FHOD3: variants seen among roughly 807,000 people sequenced by gnomAD.
The protein encoded by FHOD3 is formin homology 2 domain containing 3.
A neutral mutation model predicts 173.0 loss-of-function variants in FHOD3; 90 were observed. That is an observed-to-expected ratio of 0.52 (90% CI 0.44 to 0.62). The LOEUF is 0.62. FHOD3 is among the 20% of genes least tolerant of loss of function. FHOD3 has a pLI of 0.00. For synonymous variants in FHOD3, 828 were observed against 823.0 expected (o/e 1.01, Z -0.10); for missense variants, 1,945 against 2,034.7 (o/e 0.96, Z 0.85).
chr18:36,336,369 T>A (rs1002271665), intron 1 of FHOD3, among the ~76,000 whole-genome samples: 1 of 152,194 alleles, frequency 6.6e-6, no homozygotes, highest in Non-Finnish European at 1.5e-5. Context: ...AAAGCCATCA[T>A]TATAGTATGC....
At chr18:36,578,929 C>A (rs1043854308) in intron 6 of FHOD3, among the ~76,000 whole-genome samples, 3 of 152,028 alleles carry the variant, frequency 2.0e-5, no homozygotes, top group Non-Finnish European at 4.4e-5. Context: ...TATGCTTTCC[C>A]TCAGAAGATT....
At chr18:36,516,196 T>C (rs1168750030) in intron 5 of FHOD3, among the ~76,000 whole-genome samples, 1 of 152,132 alleles carries the variant, frequency 6.6e-6, no homozygotes, top group Non-Finnish European at 1.5e-5. Context: ...CCTCTTTATT[T>C]GTCCACCCAT....
At chr18:36,629,783 G>T (rs181207919) in intron 10 of FHOD3, among the ~76,000 whole-genome samples, 1 of 152,216 alleles carries the variant, frequency 6.6e-6, no homozygotes, top group Non-Finnish European at 1.5e-5. Context: ...GGGACTATGT[G>T]ATGAGTCCAG....
intron 3 of FHOD3, among the ~76,000 whole-genome samples, chr18:36,478,510 C>A (rs751960067): frequency 2.2e-4 from 6 of 27,432 alleles, no homozygotes; most frequent in Non-Finnish European, 4.3e-4. Context: ...CTTACTCATT[C>A]TTTCTATTTT....
chr18:36,588,465 A>G (rs12967509), intron 6 of FHOD3, among the ~76,000 whole-genome samples: 43,461 of 152,150 alleles, frequency 0.29, 6,743 homozygotes, highest in Admixed American at 0.37. Context: ...ATCCATTTAT[A>G]TAACATATAT....
chr18:36,413,122 G>T (rs1447200727), intron 3 of FHOD3, among the ~76,000 whole-genome samples: 1 of 152,220 alleles, frequency 6.6e-6, no homozygotes, highest in Non-Finnish European at 1.5e-5. Flanking sequence ...TCAGAAATTT[G>T]TCAGAAAGGT....
chr18:36,515,209 C>G (rs1002649718), intron 5 of FHOD3, among the ~76,000 whole-genome samples: 1 of 151,992 alleles, frequency 6.6e-6, no homozygotes, highest in Non-Finnish European at 1.5e-5. Flanking sequence ...AGCTTACAGC[C>G]GTTTATTTTA....
At chr18:36,589,199 C>T (rs929040770) in intron 6 of FHOD3, among the ~76,000 whole-genome samples, 1 of 152,186 alleles carries the variant, frequency 6.6e-6, no homozygotes, top group African/African-American at 2.4e-5. Flanking sequence ...TTGCACCCCC[C>T]GTATGCAAGG....
intron 1 of FHOD3, among the ~76,000 whole-genome samples, chr18:36,337,336 C>G (rs752833841): frequency 3.9e-5 from 6 of 152,186 alleles, no homozygotes; most frequent in Non-Finnish European, 7.3e-5. Context: ...CACACCAGAC[C>G]TGGTCACAGT....
chr18:36,556,650 T>C (rs943637756), intron 5 of FHOD3, among the ~76,000 whole-genome samples: 1 of 152,222 alleles, frequency 6.6e-6, no homozygotes, highest in Non-Finnish European at 1.5e-5. Context: ...TTGCAAGTGT[T>C]AAAAACCCCA....
chr18:36,312,244 C>G (rs941501818), intron 1 of FHOD3, among the ~76,000 whole-genome samples: 2 of 152,186 alleles, frequency 1.3e-5, no homozygotes, highest in African/African-American at 4.8e-5. Flanking sequence ...CCTGCCCTCT[C>G]TAGTCCTTCT....
Position 36,745,787 on chromosome 18 carries a change from C to G in FHOD3, c.4042-1158C>G, listed in dbSNP as rs539190386. On this transcript the variant is annotated intron_variant, in intron 23 of 28. Transcript: ENST00000590592. The stretch of plus-strand genomic sequence containing the variant: ...CTCCATGCACCTGCCACTCATCCCC[C>G]CACCTGCACCCTCCGCTCACTTCCT... Among the ~76,000 whole-genome samples, 332 of 148,874 alleles carry G rather than the reference C, an allele frequency of 2.2e-3. 2 individuals carry two copies. The highest frequency in any genetic ancestry group is 7.9e-3 in the African/African-American group (320 of 40,390).
intron 5 of FHOD3, among the ~76,000 whole-genome samples, chr18:36,566,525 G>C (rs990494222): frequency 6.6e-6 from 1 of 152,226 alleles, no homozygotes; most frequent in Admixed American, 6.5e-5. Context: ...TTGGCTGGAG[G>C]TGTAGTGGGG....
At chr18:36,552,115 C>T (rs1378906516) in intron 5 of FHOD3, among the ~76,000 whole-genome samples, 1 of 152,170 alleles carries the variant, frequency 6.6e-6, no homozygotes, top group Admixed American at 6.5e-5. Context: ...AATATTGATT[C>T]TTCCTATCCA....
At chr18:36,698,370 G>A (rs2039401566) in intron 17 of FHOD3, among the ~76,000 whole-genome samples, 1 of 152,132 alleles carries the variant, frequency 6.6e-6, no homozygotes. Flanking sequence ...GTGTCTTCTT[G>A]CATCATATTT....
intron 1 of FHOD3, among the ~76,000 whole-genome samples, chr18:36,334,383 C>A (rs989272910): frequency 1.3e-5 from 2 of 152,222 alleles, no homozygotes; most frequent in Non-Finnish European, 1.5e-5. Flanking sequence ...GTGCTGGTCT[C>A]ACTTTTGTTC....
intron 3 of FHOD3, among the ~76,000 whole-genome samples, chr18:36,487,045 T>G (rs191509502): frequency 6.6e-6 from 1 of 152,246 alleles, no homozygotes; most frequent in Non-Finnish European, 1.5e-5. Context: ...TGCCAACTGA[T>G]GGACAGTTGA....
At chr18:36,515,218 T>A (rs1015341006) in intron 5 of FHOD3, among the ~76,000 whole-genome samples, 3 of 152,088 alleles carry the variant, frequency 2.0e-5, no homozygotes, top group Non-Finnish European at 1.5e-5. Context: ...CCGTTTATTT[T>A]ATTTATTTAT....
At chr18:36,727,743 C>T (rs1046900825) in intron 19 of FHOD3, among the ~76,000 whole-genome samples, 2 of 152,138 alleles carry the variant, frequency 1.3e-5, no homozygotes, top group Admixed American at 1.3e-4. Context: ...TAGGTCTGTG[C>T]AAATTGCTTG....
Sources: gnomAD v4.1 joint callset for allele counts (sites outside exome capture counted in the v4.1 genomes callset) on GRCh38, gnomAD v4.1.1 for gene constraint, MANE v1.5 for transcripts, NCBI Gene and HGNC (gene_info 2026-07-23, HGNC 2026-07-21) for gene names.